Variants in ARHGAP31 observed in about 807,000 individuals in gnomAD.
The protein encoded by ARHGAP31 is Rho GTPase activating protein 31.
Under a neutral mutation model 113.9 loss-of-function variants are expected in ARHGAP31, and 34 were observed. The observed-to-expected ratio is 0.30, with a 90% CI of 0.23 to 0.40. The LOEUF is 0.40. Among genes scored for constraint, ARHGAP31 ranks in the 10% least tolerant of loss-of-function variants. ARHGAP31 has a pLI of 1.00. For missense variants in ARHGAP31, 1,548 were observed against 1,767.1 expected (o/e 0.88, Z 2.22); for synonymous variants, 650 against 684.8 (o/e 0.95, Z 0.79).
chr3:119,311,573 A>G (rs577692485), intron 1 of ARHGAP31, among the ~76,000 whole-genome samples: 46 of 152,312 alleles, frequency 3.0e-4, no homozygotes, highest in African/African-American at 1.1e-3. Context: ...GACGTTACTC[A>G]ACAAACCACA....
intron 1 of ARHGAP31, among the ~76,000 whole-genome samples, chr3:119,326,709 C>T (rs1347151615): frequency 1.3e-5 from 2 of 152,138 alleles, no homozygotes; most frequent in Non-Finnish European, 2.9e-5. Flanking sequence ...TGTTTTAGTG[C>T]GTTTTGCCAC....
At chr3:119,316,899 T>A (rs1031372116) in intron 1 of ARHGAP31, among the ~76,000 whole-genome samples, 20 of 152,360 alleles carry the variant, frequency 1.3e-4, no homozygotes, top group African/African-American at 4.6e-4. Flanking sequence ...AAACTTCTTT[T>A]GTGCCGCAGG....
intron 1 of ARHGAP31, among the ~76,000 whole-genome samples, chr3:119,362,776 A>G (rs976709663): frequency 6.7e-6 from 1 of 150,144 alleles, no homozygotes; most frequent in African/African-American, 2.5e-5. Flanking sequence ...CTAAAAAAAA[A>G]AAAAAAAGGC....
chr3:119,339,511 A>G (rs111588121), intron 1 of ARHGAP31, among the ~76,000 whole-genome samples: 3,796 of 152,288 alleles, frequency 0.025, 63 homozygotes, highest in East Asian at 0.062. Context: ...GGCCTAGTAT[A>G]TAGCTACAGT....
intron 1 of ARHGAP31, among the ~76,000 whole-genome samples, chr3:119,315,107 T>C (rs1260847100): frequency 6.6e-6 from 1 of 152,172 alleles, no homozygotes; most frequent in Non-Finnish European, 1.5e-5. Context: ...TGGAGGAAAA[T>C]ACTCAAAAAC....
intron 7 of ARHGAP31, 89 bp from the exon 8 acceptor site, chr3:119,393,378 G>A (rs1392008361): frequency 6.7e-7 from 1 of 1,499,438 alleles, no homozygotes; most frequent in Non-Finnish European, 9.3e-7. Flanking sequence ...TCATAACTGA[G>A]GACATAACTG....
intron 1 of ARHGAP31, among the ~76,000 whole-genome samples, chr3:119,339,507 G>T (rs748665705): frequency 1.4e-4 from 22 of 152,126 alleles, no homozygotes; most frequent in Non-Finnish European, 2.8e-4. Context: ...TTGAGGCCTA[G>T]TATATAGCTA....
At chr3:119,350,359 T>A (rs1374847782) in intron 1 of ARHGAP31, among the ~76,000 whole-genome samples, 2 of 152,216 alleles carry the variant, frequency 1.3e-5, no homozygotes, top group African/African-American at 4.8e-5. Flanking sequence ...AGCGAGGAAC[T>A]GATAAGCTTT....
chr3:119,330,511 T>A (rs1421468457), intron 1 of ARHGAP31, among the ~76,000 whole-genome samples: 1 of 152,234 alleles, frequency 6.6e-6, no homozygotes, highest in Admixed American at 6.5e-5. Flanking sequence ...TGTTTTGTGG[T>A]TGTTTACAGT....
rs775077571 is a variant in ARHGAP31 at position 119,401,916 on chromosome 3, A to G, written c.1164A>G (p.Ser388=). 6.2e-7 allele frequency: 1 copy of G among 1,613,126 alleles called. No homozygotes were observed. Among genetic ancestry groups the G allele is most frequent in the South Asian group, 1.1e-5 (1 of 91,042 alleles). Residue 388 remains serine (S), a synonymous_variant, in exon 10 of 12, where the codon TCA becomes TCG. Transcript: ENST00000264245. The part of the protein sequence containing the change: ...TKMHSTGTGS[S]CDLTKQEGEW... ...TGCACTCCACCGGCACCGGCAGCTCATGTGACCTCACCAAGCAGGAGGGCG... is the reference window on the plus strand; with the variant it reads ...TGCACTCCACCGGCACCGGCAGCTCGTGTGACCTCACCAAGCAGGAGGGCG...
At chr3:119,371,135 T>G (rs1425297748) in intron 3 of ARHGAP31, among the ~76,000 whole-genome samples, 1 of 152,266 alleles carries the variant, frequency 6.6e-6, no homozygotes, top group Non-Finnish European at 1.5e-5. Context: ...TATGATAGAA[T>G]GGAATATCAT....
At chr3:119,354,437 G>A (rs1280725649) in intron 1 of ARHGAP31, among the ~76,000 whole-genome samples, 73 of 151,914 alleles carry the variant, frequency 4.8e-4, no homozygotes, top group Non-Finnish European at 7.4e-5. Context: ...CTACCACTTA[G>A]CAGTAACTAC....
In ARHGAP31 at chr3:119,414,146, G is replaced by T. The variant is rs1239982693; in HGVS notation, c.2217G>T (p.Pro739=). The T allele has an allele frequency of 6.2e-7, 1 of 1,614,128 alleles. No individual in the cohort carries two copies. Among genetic ancestry groups the T allele is most frequent in the South Asian group, 1.1e-5 (1 of 91,080 alleles). Residue 739 remains proline (P), a synonymous_variant, in exon 12 of 12, where the codon CCG becomes CCT. Transcript: ENST00000264245. ...CCACAGCAGCCAGCAGAGAGAAGCC[G>T]GAACCTGAGCAGGGCCTGCACCCAG... ...GASTAASREK[P]EPEQGLHPDL...
At chr3:119,405,883 G>A (rs189341475) in intron 10 of ARHGAP31, among the ~76,000 whole-genome samples, 163 of 152,304 alleles carry the variant, frequency 1.1e-3, no homozygotes, top group Admixed American at 2.7e-3. Flanking sequence ...CTGTTCTGAG[G>A]AACTTACCCA....
intron 1 of ARHGAP31, among the ~76,000 whole-genome samples, chr3:119,346,503 C>T (rs958016525): frequency 3.3e-5 from 5 of 152,198 alleles, no homozygotes; most frequent in African/African-American, 1.2e-4. Flanking sequence ...GATTTAACTG[C>T]ATGTAATTGA....
At position 119,365,432 on chromosome 3, in the gene ARHGAP31, A is replaced by G. The variant is rs1200179944; in HGVS notation, c.203+14A>G. ...ACAACGGCTAAGGTAAGCTAAAAGA[A>G]TAGCCCTAAAAGAATTCTCCCATGA... On this transcript the variant is annotated intron_variant, in intron 2 of 11. Coordinates refer to ENST00000264245, the MANE Select transcript of ARHGAP31 (RefSeq NM_020754.4). 5 of 1,603,850 alleles carry G rather than the reference A, an allele frequency of 3.1e-6. No individual in the cohort carries two copies. The highest frequency in any genetic ancestry group is 3.4e-6 in the Non-Finnish European group (4 of 1,171,236).
At chr3:119,298,301 T>C (rs1576981580) in intron 1 of ARHGAP31, among the ~76,000 whole-genome samples, 1 of 152,156 alleles carries the variant, frequency 6.6e-6, no homozygotes, top group Non-Finnish European at 1.5e-5. Context: ...CTGAAAATAG[T>C]ATAGTTTTCT....
At chr3:119,321,192 T>A (rs2079780655) in intron 1 of ARHGAP31, among the ~76,000 whole-genome samples, 1 of 150,882 alleles carries the variant, frequency 6.6e-6, no homozygotes, top group Admixed American at 6.6e-5. Context: ...ATTCAATTAG[T>A]GGAAAAATTG....
At chr3:119,319,740 G>A (rs2079765944) in intron 1 of ARHGAP31, among the ~76,000 whole-genome samples, 1 of 152,214 alleles carries the variant, frequency 6.6e-6, no homozygotes, top group Non-Finnish European at 1.5e-5. Context: ...TCCAGTGATT[G>A]GAAAACAGGG....
Sources: allele counts gnomAD v4.1 joint callset (sites outside exome capture counted in the v4.1 genomes callset), GRCh38; gene constraint gnomAD v4.1.1; transcripts MANE v1.5; gene names NCBI Gene and HGNC (gene_info 2026-07-23, HGNC 2026-07-21).